Variants in PTP4A3 observed in about 807,000 individuals in gnomAD.
PTP4A3 encodes the protein protein tyrosine phosphatase 4A3, also known as protein tyrosine phosphatase type IVA 3.
In PTP4A3, 9 loss-of-function variants were observed where a neutral mutation model predicts 15.2. That is an observed-to-expected ratio of 0.59 (90% confidence interval 0.36 to 1.03). The LOEUF (loss-of-function observed/expected upper bound fraction) is 1.03. Ranked by LOEUF, PTP4A3 falls within the 50% of genes least tolerant of loss-of-function variation. The pLI is 0.02. For synonymous variants in PTP4A3, 95 were observed against 102.0 expected (o/e 0.93, Z 0.41); for missense variants, 234 against 252.1 (o/e 0.93, Z 0.49).
chr8:141,414,637 A>G (rs1832968666), intron 1 of PTP4A3, among the ~76,000 whole-genome samples: 1 of 143,026 alleles, frequency 7.0e-6, no homozygotes, highest in African/African-American at 2.8e-5. Flanking sequence ...GGGGGTAGGG[A>G]CTGTTGGGCA....
At chr8:141,409,858 C>T (rs2129928942) in intron 1 of PTP4A3, among the ~76,000 whole-genome samples, 1 of 152,364 alleles carries the variant, frequency 6.6e-6, no homozygotes, top group East Asian at 1.9e-4. Context: ...GCTGGGTGCC[C>T]AGCGGTGCCT....
chr8:141,430,904 T>C, intron 5 of PTP4A3, 23 bp from the exon 6 acceptor site: 1 of 1,610,180 alleles, frequency 6.2e-7, no homozygotes, highest in Non-Finnish European at 8.5e-7. Flanking sequence ...GGATGATCTC[T>C]GTTCCTGTTC....
intron 1 of PTP4A3, among the ~76,000 whole-genome samples, chr8:141,402,031 C>G (rs1370944970): frequency 3.9e-5 from 6 of 152,214 alleles, no homozygotes; most frequent in Admixed American, 3.9e-4. Flanking sequence ...ATCACACAAG[C>G]CACCCTGGGT....
intron 1 of PTP4A3, among the ~76,000 whole-genome samples, chr8:141,420,214 G>T (rs1422235615): frequency 6.6e-6 from 1 of 152,200 alleles, no homozygotes; most frequent in African/African-American, 2.4e-5. Context: ...TGGGTAGCAG[G>T]CAGTAGTGAC....
At chr8:141,412,644 A>G (rs1361885026) in intron 1 of PTP4A3, among the ~76,000 whole-genome samples, 1 of 152,200 alleles carries the variant, frequency 6.6e-6, no homozygotes, top group Non-Finnish European at 1.5e-5. Flanking sequence ...AATTCAGCCA[A>G]ACTCTGGATC....
intron 1 of PTP4A3, among the ~76,000 whole-genome samples, chr8:141,409,499 C>T (rs557966559): frequency 1.3e-5 from 2 of 152,308 alleles, no homozygotes; most frequent in African/African-American, 2.4e-5. Context: ...GGCACCACGG[C>T]GATGCCCAGA....
chr8:141,392,389 T>C (rs1832307111), intron 1 of PTP4A3: 1 of 152,102 alleles, frequency 6.6e-6, no homozygotes, highest in Admixed American at 6.5e-5. Flanking sequence ...CGTTTCTGGG[T>C]GCGCGGGAGA....
intron 1 of PTP4A3, among the ~76,000 whole-genome samples, chr8:141,400,661 G>C (rs1832567926): frequency 6.6e-6 from 1 of 152,334 alleles, no homozygotes; most frequent in East Asian, 1.9e-4. Flanking sequence ...GCAGAACCCT[G>C]GGTCAGATGG....
chr8:141,428,315 C>G (rs960137730), intron 5 of PTP4A3, among the ~76,000 whole-genome samples: 11 of 144,296 alleles, frequency 7.6e-5, no homozygotes, highest in Non-Finnish European at 1.4e-4. Context: ...TCCTTAGAGG[C>G]TTCTAGGCCA....
chr8:141,394,143 A>G (rs1010120363), intron 1 of PTP4A3, among the ~76,000 whole-genome samples: 1 of 152,168 alleles, frequency 6.6e-6, no homozygotes, highest in Middle Eastern at 3.2e-3. Context: ...AGGGACTTAC[A>G]TCCAGATGGC....
chr8:141,413,175 C>G (rs1164590640), intron 1 of PTP4A3, among the ~76,000 whole-genome samples: 1 of 152,206 alleles, frequency 6.6e-6, no homozygotes, highest in African/African-American at 2.4e-5. Context: ...AGGCCCTGAA[C>G]TCTCCGGGAG....
At chr8:141,429,158 C>G (rs7817422) in intron 5 of PTP4A3, among the ~76,000 whole-genome samples, 5,175 of 152,360 alleles carry the variant, frequency 0.034, 289 homozygotes, top group African/African-American at 0.12. Context: ...GGGGCCCTAC[C>G]CGGAGGCGTG....
chr8:141,393,509 A>G (rs1832353809), intron 1 of PTP4A3, among the ~76,000 whole-genome samples: 2 of 152,204 alleles, frequency 1.3e-5, no homozygotes, highest in Admixed American at 6.5e-5. Flanking sequence ...GCCAGGCCCA[A>G]TGCTGGACCT....
chr8:141,402,071 G>T (rs932262587), intron 1 of PTP4A3, among the ~76,000 whole-genome samples: 5 of 152,364 alleles, frequency 3.3e-5, no homozygotes, highest in African/African-American at 7.2e-5. Context: ...CTGGGCAGCA[G>T]CTGGGGTGTC....
intron 1 of PTP4A3, among the ~76,000 whole-genome samples, chr8:141,392,953 G>A (rs1179195666): frequency 2.0e-5 from 3 of 152,168 alleles, no homozygotes; most frequent in African/African-American, 7.2e-5. Flanking sequence ...CTCTCTGCCT[G>A]CGGGCTCTGG....
Position 141,421,914 on chromosome 8 carries a change from C to G in PTP4A3, c.-327C>G, listed in dbSNP as rs1281553252. ...TTATTTTTTGCCTCTTTATGACTAT[C>G]CAGCTCTGAGAGACGGGAGTTTGGA... On this transcript the variant is annotated 5_prime_UTR_variant, in exon 2 of 6. The change creates a new upstream start codon in the 5' untranslated region. Transcript: ENST00000521578. 3 of 345,530 alleles carry G rather than the reference C, an allele frequency of 8.7e-6. No homozygotes were observed. The highest frequency in any genetic ancestry group is 1.6e-5 in the Non-Finnish European group (3 of 190,850). 21.4% of individuals were successfully genotyped at this position (345,530 alleles called of 1,614,324 possible). A position where few individuals can be genotyped will look rare whatever the true frequency, so the allele number is the denominator to read the frequency against.
chr8:141,410,005 A>G (rs1832826948), intron 1 of PTP4A3, among the ~76,000 whole-genome samples: 2 of 152,358 alleles, frequency 1.3e-5, no homozygotes, highest in African/African-American at 4.8e-5. Context: ...CACTGTCACC[A>G]CGGCTGTGAC....
chr8:141,427,417 G>A (rs113671415), intron 4 of PTP4A3, among the ~76,000 whole-genome samples: 8 of 152,062 alleles, frequency 5.3e-5, no homozygotes, highest in African/African-American at 9.7e-5. Flanking sequence ...AGCTGGGATC[G>A]GATGACATGA....
chr8:141,419,622 A>C (rs1833234191), intron 1 of PTP4A3, among the ~76,000 whole-genome samples: 1 of 147,828 alleles, frequency 6.8e-6, no homozygotes, highest in Non-Finnish European at 1.5e-5. Flanking sequence ...CCCAGGCTAG[A>C]GGGCAATGGA....
Sources: gnomAD v4.1 joint callset for allele counts (sites outside exome capture counted in the v4.1 genomes callset) on GRCh38, gnomAD v4.1.1 for gene constraint, MANE v1.5 for transcripts, NCBI Gene and HGNC (gene_info 2026-07-23, HGNC 2026-07-21) for gene names.